Variants in PPP3CB observed in about 807,000 individuals in gnomAD.
PPP3CB encodes the protein serine/threonine-protein phosphatase 2B catalytic subunit beta isoform.
In PPP3CB, 8 loss-of-function variants were observed where a neutral mutation model predicts 66.4. The observed-to-expected ratio is 0.12, with a 90% CI of 0.07 to 0.22. PPP3CB has a LOEUF of 0.22. Among genes scored for constraint, PPP3CB ranks in the 10% least tolerant of loss-of-function variants. PPP3CB has a pLI of 1.00. For synonymous variants in PPP3CB, 208 were observed against 221.2 expected (o/e 0.94, Z 0.53); for missense variants, 319 against 642.5 (o/e 0.50, Z 5.44).
Position 73,470,778 on chromosome 10 carries a change from A to G in PPP3CB, c.891T>C (p.Tyr297=). Residue 297 remains tyrosine (Y), a synonymous_variant, in exon 8 of 14, where the codon TAT becomes TAC. Coordinates refer to ENST00000360663, the MANE Select transcript of PPP3CB (RefSeq NM_021132.4). The part of the protein sequence containing the change: ...IRAHEAQDAG[Y]RMYRKSQTTG... ...TAGTTTGACTTTTTCTGTACATTCT[A>G]TAGCTGCAAAACAAATAGCTTAATA... The G allele has an allele frequency of 6.2e-7, 1 of 1,602,164 alleles. No homozygotes were observed. The highest frequency in any genetic ancestry group is 8.5e-7 in the Non-Finnish European group (1 of 1,172,610).
At position 73,486,023 on chromosome 10, in the gene PPP3CB, G is replaced by A. The variant is rs1167335343; in HGVS notation, c.86-6506C>T. The stretch of plus-strand genomic sequence containing the variant: ...TGCAGTGGCGCAACATGAGCTCACT[G>A]CAACCTCTGCCTCCCAGGTTCAAGC... On this transcript the variant is annotated intron_variant, in intron 1 of 13. Transcript: ENST00000360663. Among the ~76,000 whole-genome samples the A allele has an allele frequency of 3.3e-5, 5 of 151,450 alleles. No homozygotes were observed. In the East Asian group the frequency reaches 5.9e-4, roughly 18 times the overall value.
intron 12 of PPP3CB, among the ~76,000 whole-genome samples, chr10:73,440,231 T>C (rs1447065669): frequency 1.3e-5 from 2 of 152,308 alleles, no homozygotes; most frequent in South Asian, 2.1e-4. Context: ...GGCCTTAGAA[T>C]TTTCCATTAT....
intron 1 of PPP3CB, among the ~76,000 whole-genome samples, chr10:73,491,829 T>C (rs1052734610): frequency 7.2e-4 from 110 of 152,082 alleles, no homozygotes; most frequent in African/African-American, 2.7e-3. Flanking sequence ...TAGCCGGGCG[T>C]GGTGGCACAT....
intron 1 of PPP3CB, among the ~76,000 whole-genome samples, chr10:73,486,308 T>G (rs2056976774): frequency 6.8e-6 from 1 of 147,994 alleles, no homozygotes; most frequent in Non-Finnish European, 1.5e-5. Flanking sequence ...TTTTTTTTTT[T>G]TTTTTTTTTC....
At chr10:73,491,309 G>A (rs980894119) in intron 1 of PPP3CB, among the ~76,000 whole-genome samples, 10 of 151,546 alleles carry the variant, frequency 6.6e-5, no homozygotes, top group Middle Eastern at 3.4e-3. Flanking sequence ...GATTACAGGC[G>A]TGAGCCACTG....
At chr10:73,447,232 T>A (rs1320679028) in intron 10 of PPP3CB, among the ~76,000 whole-genome samples, 2 of 152,146 alleles carry the variant, frequency 1.3e-5, no homozygotes, top group African/African-American at 4.8e-5. Flanking sequence ...CATCTCTAGG[T>A]GAGTATGACA....
intron 11 of PPP3CB, among the ~76,000 whole-genome samples, chr10:73,445,079 C>T (rs2056225740): frequency 6.6e-6 from 1 of 152,168 alleles, no homozygotes; most frequent in Non-Finnish European, 1.5e-5. Context: ...CAAGGGGCAT[C>T]ATACTATTGA....
intron 9 of PPP3CB, among the ~76,000 whole-genome samples, chr10:73,466,628 T>G (rs2056621365): frequency 6.6e-6 from 1 of 152,212 alleles, no homozygotes; most frequent in Non-Finnish European, 1.5e-5. Flanking sequence ...ACTGAGTAAA[T>G]GAAGAACACC....
intron 8 of PPP3CB, 72 bp downstream of exon 8, chr10:73,470,611 CCTTT>C: frequency 1.2e-6 from 1 of 832,720 alleles, no homozygotes; most frequent in Non-Finnish European, 1.8e-6. Flanking sequence ...AAACAACACC[CCTTT>C]TTTATTATAT....
In PPP3CB at chr10:73,492,316, C is replaced by G. The variant is rs191904529; in HGVS notation, c.85+3489G>C. On this transcript the variant is annotated intron_variant, in intron 1 of 13. Coordinates refer to ENST00000360663, the MANE Select transcript of PPP3CB (RefSeq NM_021132.4). Reference sequence around the variant, plus strand: ...TAAAAAGGTGAATTTTTTATTAATACTAACAGTCTTGATAATCTCAAGAGA... The same window carrying G: ...TAAAAAGGTGAATTTTTTATTAATAGTAACAGTCTTGATAATCTCAAGAGA... Among the ~76,000 whole-genome samples the G allele has an allele frequency of 8.5e-5, 13 of 152,280 alleles. No homozygotes were observed. In the East Asian group the frequency reaches 2.5e-3, roughly 29 times the overall value.
At chr10:73,486,684 A>G (rs2056984069) in intron 1 of PPP3CB, among the ~76,000 whole-genome samples, 1 of 152,158 alleles carries the variant, frequency 6.6e-6, no homozygotes, top group Non-Finnish European at 1.5e-5. Context: ...GAAGGACAAC[A>G]CTTATCAAAT....
At chr10:73,467,881 A>G (rs2056644067) in intron 8 of PPP3CB, among the ~76,000 whole-genome samples, 1 of 152,182 alleles carries the variant, frequency 6.6e-6, no homozygotes, top group African/African-American at 2.4e-5. Context: ...ATGTAGAACT[A>G]TAACTATAGT....
chr10:73,494,275 GTTTTGT>G (rs145956932), intron 1 of PPP3CB, among the ~76,000 whole-genome samples: 7,854 of 151,780 alleles, frequency 0.052, 474 homozygotes, highest in African/African-American at 0.15. Context: ...GCAAATCAGT[GTTTTGT>G]TTTTGTTTTT....
At chr10:73,443,247 AGAAAG>A (rs1564546903) in intron 12 of PPP3CB, among the ~76,000 whole-genome samples, 27 of 142,102 alleles carry the variant, frequency 1.9e-4, no homozygotes, top group African/African-American at 7.7e-4. Flanking sequence ...AGAGAGAGAG[AGAAAG>A]AGAGAGAGAG....
intron 1 of PPP3CB, among the ~76,000 whole-genome samples, chr10:73,480,339 A>G (rs2056853182): frequency 6.6e-6 from 1 of 152,074 alleles, no homozygotes; most frequent in South Asian, 2.1e-4. Flanking sequence ...CACCTAACAC[A>G]CATTCTGAAA....
At chr10:73,463,034 A>C (rs1455500700) in intron 9 of PPP3CB, among the ~76,000 whole-genome samples, 4 of 151,564 alleles carry the variant, frequency 2.6e-5, no homozygotes, top group Non-Finnish European at 5.9e-5. Context: ...GAAGAACAGC[A>C]GTAACCTGAG....
At chr10:73,470,986 T>C (rs2056693030) in intron 6 of PPP3CB, 22 bp from the exon 7 acceptor site, 2 of 1,609,106 alleles carry the variant, frequency 1.2e-6, no homozygotes, top group African/African-American at 1.3e-5. Flanking sequence ...AAAGAGTAAA[T>C]TAAGTAAAAT....
At chr10:73,479,646 A>T in intron 1 of PPP3CB, 129 bp from the exon 2 acceptor site, 1 of 867,954 alleles carries the variant, frequency 1.2e-6, no homozygotes. Flanking sequence ...TTTATTGGGT[A>T]GAAGTGTTTT....
At chr10:73,490,562 T>C (rs1385621501) in intron 1 of PPP3CB, among the ~76,000 whole-genome samples, 1 of 152,262 alleles carries the variant, frequency 6.6e-6, no homozygotes, top group Admixed American at 6.5e-5. Context: ...TGAGGTCATA[T>C]GATTGGCACG....
Sources: allele counts gnomAD v4.1 joint callset (sites outside exome capture counted in the v4.1 genomes callset), GRCh38; gene constraint gnomAD v4.1.1; transcripts MANE v1.5; gene names NCBI Gene and HGNC (gene_info 2026-07-23, HGNC 2026-07-21).